The following GRIK1 variants were observed in gnomAD, a reference collection of about 807,000 sequenced individuals.
GRIK1 encodes glutamate ionotropic receptor kainate type subunit 1.
GRIK1 carries 69 observed loss-of-function variants against 105.7 expected under a neutral mutation model. The observed-to-expected ratio is 0.65, with a 90% CI of 0.54 to 0.80. The LOEUF (loss-of-function observed/expected upper bound fraction) is 0.80. GRIK1 is among the 30% of genes least tolerant of loss of function. The pLI is 0.00. For missense variants in GRIK1, 1,109 were observed against 1,167.3 expected, an observed-to-expected ratio of 0.95 and a Z score of 0.73; for synonymous variants, 438 against 431.3, an observed-to-expected ratio of 1.02 and a Z score of -0.19.
chr21:29,851,000 T>A (rs532273595), intron 1 of GRIK1, among the ~76,000 whole-genome samples: 2 of 152,322 alleles, frequency 1.3e-5, no homozygotes, highest in African/African-American at 2.4e-5. Flanking sequence ...GTACAAACTC[T>A]TAGCTTATTT....
Position 29,536,981 on chromosome 21 carries a change from A to G in GRIK1, c.*249T>C, listed in dbSNP as rs1359790859. The G allele has an allele frequency of 7.8e-6, 2 of 256,208 alleles. No homozygotes were observed. Among genetic ancestry groups the G allele is most frequent in the Non-Finnish European group, 1.5e-5 (2 of 136,540 alleles). 15.9% of individuals were successfully genotyped at this position (256,208 alleles called of 1,614,324 possible). On this transcript the variant is annotated 3_prime_UTR_variant, in exon 18 of 18. Transcript: ENST00000327783. ...TTATTATTATTTAGAAAGCACACAC[A>G]ACAATTTATTGGGGAAAAAGAAAAA...
At chr21:29,844,227 C>G (rs530038067) in intron 1 of GRIK1, among the ~76,000 whole-genome samples, 1 of 152,130 alleles carries the variant, frequency 6.6e-6, no homozygotes, top group African/African-American at 2.4e-5. Flanking sequence ...AGATATAGAG[C>G]CTTGATTTGT....
At chr21:29,914,324 G>A (rs1715215394) in intron 1 of GRIK1, among the ~76,000 whole-genome samples, 3 of 152,074 alleles carry the variant, frequency 2.0e-5, no homozygotes, top group African/African-American at 7.2e-5. Flanking sequence ...TATGTGACCA[G>A]TGCTAGCTGA....
rs562867247 is a variant in GRIK1, at chr21:29,797,547, C to T, written c.119-103484G>A. 2.0e-5 allele frequency among the ~76,000 whole-genome samples: 3 copies of T among 152,260 alleles called. No homozygotes were observed. In the East Asian group the frequency reaches 5.8e-4, roughly 29 times the overall value. On this transcript the variant is annotated intron_variant, in intron 1 of 17. Coordinates refer to ENST00000327783, the MANE Select transcript of GRIK1 (RefSeq NM_001330994.2). ...TCAGTTTTCACCCATTCACAAATTC[C>T]TGCCTGGACAAAATAATTCCATCAC... is the stretch of plus-strand genomic sequence containing the variant.
chr21:29,761,619 A>G (rs2065523089), intron 1 of GRIK1, among the ~76,000 whole-genome samples: 1 of 152,190 alleles, frequency 6.6e-6, no homozygotes, highest in Non-Finnish European at 1.5e-5. Flanking sequence ...TGTGAAATTC[A>G]ATTAAGTCTT....
chr21:29,697,546 C>T (rs2063726851), intron 1 of GRIK1, among the ~76,000 whole-genome samples: 1 of 152,098 alleles, frequency 6.6e-6, no homozygotes, highest in Non-Finnish European at 1.5e-5. Context: ...ATCACACTCT[C>T]TTTCTTCAAG....
At chr21:29,906,145 C>T (rs2070631900) in intron 1 of GRIK1, among the ~76,000 whole-genome samples, 1 of 152,052 alleles carries the variant, frequency 6.6e-6, no homozygotes, top group South Asian at 2.1e-4. Context: ...TGGAATTTCA[C>T]TGAAAAGGTG....
At chr21:29,768,778 A>T (rs1365161199) in intron 1 of GRIK1, among the ~76,000 whole-genome samples, 1 of 152,190 alleles carries the variant, frequency 6.6e-6, no homozygotes, top group Admixed American at 6.5e-5. Flanking sequence ...TCTGTTCACC[A>T]TACACACATT....
intron 1 of GRIK1, among the ~76,000 whole-genome samples, chr21:29,753,900 C>T (rs537625447): frequency 5.9e-5 from 9 of 152,094 alleles, no homozygotes; most frequent in African/African-American, 1.7e-4. Context: ...ATCATATGTA[C>T]GTTGAGCAAA....
intron 1 of GRIK1, among the ~76,000 whole-genome samples, chr21:29,746,029 G>A (rs1345145474): frequency 6.6e-6 from 1 of 152,128 alleles, no homozygotes. Flanking sequence ...GCATGAACCT[G>A]GGAGGCAGAG....
chr21:29,631,984 GAA>G (rs35815638), intron 7 of GRIK1, among the ~76,000 whole-genome samples: 1 of 147,768 alleles, frequency 6.8e-6, no homozygotes, highest in Non-Finnish European at 1.5e-5. Context: ...GAATGTGCAG[GAA>G]AAAAAAAAGA....
intron 1 of GRIK1, among the ~76,000 whole-genome samples, chr21:29,730,663 C>G (rs930164611): frequency 6.6e-6 from 1 of 152,116 alleles, no homozygotes; most frequent in Non-Finnish European, 1.5e-5. Context: ...GCTTCTCTTC[C>G]TCAGCCTGCT....
intron 1 of GRIK1, among the ~76,000 whole-genome samples, chr21:29,783,461 G>A (rs1220973846): frequency 6.6e-6 from 1 of 152,028 alleles, no homozygotes. Flanking sequence ...CGACAGGTTA[G>A]TCTTTTCCCT....
intron 1 of GRIK1, among the ~76,000 whole-genome samples, chr21:29,754,996 T>A (rs1268445678): frequency 2.0e-5 from 3 of 152,190 alleles, no homozygotes; most frequent in Non-Finnish European, 2.9e-5. Context: ...TATCTATCTA[T>A]CTTGGTTATA....
At chr21:29,747,690 G>A (rs113606006) in intron 1 of GRIK1, among the ~76,000 whole-genome samples, 6,234 of 152,170 alleles carry the variant, frequency 0.041, 200 homozygotes, top group Non-Finnish European at 0.064. Flanking sequence ...TTAGCTGGGC[G>A]TGGTGGCACG....
chr21:29,595,619 G>A (rs945977734), intron 9 of GRIK1, among the ~76,000 whole-genome samples: 1 of 152,078 alleles, frequency 6.6e-6, no homozygotes, highest in Admixed American at 6.6e-5. Context: ...AGATGAAAGT[G>A]AACCTGACAA....
chr21:29,861,415 C>T (rs1407255768), intron 1 of GRIK1, among the ~76,000 whole-genome samples: 2 of 152,102 alleles, frequency 1.3e-5, no homozygotes, highest in Non-Finnish European at 2.9e-5. Flanking sequence ...AAGTGATTCT[C>T]CTATCTCAGC....
intron 1 of GRIK1, among the ~76,000 whole-genome samples, chr21:29,891,176 C>G (rs2069883163): frequency 6.6e-6 from 1 of 152,124 alleles, no homozygotes; most frequent in African/African-American, 2.4e-5. Flanking sequence ...ACTCATTCTT[C>G]TTTCATTCTG....
intron 1 of GRIK1, among the ~76,000 whole-genome samples, chr21:29,802,206 G>A (rs949013247): frequency 3.3e-5 from 5 of 152,142 alleles, no homozygotes; most frequent in Non-Finnish European, 7.4e-5. Flanking sequence ...AGAGCTCTCA[G>A]TTTTTCTTAC....
Sources: allele counts gnomAD v4.1 joint callset (sites outside exome capture counted in the v4.1 genomes callset), GRCh38; gene constraint gnomAD v4.1.1; transcripts MANE v1.5; gene names NCBI Gene and HGNC (gene_info 2026-07-23, HGNC 2026-07-21).